The following ZNF519 variants were observed in gnomAD, a reference collection of about 807,000 sequenced individuals.
ZNF519 encodes similar to Zinc finger protein 85 (Zinc finger protein HPF4) (HTF1).
In ZNF519, 7 loss-of-function variants were observed where a neutral mutation model predicts 7.4. The observed-to-expected ratio is 0.94, with a 90% CI of 0.54 to 1.77. The LOEUF is 1.77. ZNF519 is among the 40% of genes most tolerant of loss of function. ZNF519 has a pLI of 0.00. For missense variants in ZNF519, 586 were observed against 623.1 expected, an observed-to-expected ratio of 0.94 and a Z score of 0.63; for synonymous variants, 179 against 203.3, an observed-to-expected ratio of 0.88 and a Z score of 1.02.
rs1460920749 is a variant in ZNF519, at chr18:14,132,428, G to C, written c.-151C>G. The C allele has an allele frequency of 7.5e-6, 7 of 935,710 alleles. No individual in the cohort carries two copies. The highest frequency in any genetic ancestry group is 1.2e-5 in the Non-Finnish European group (7 of 605,900). The allele number at this position is 935,710 out of a possible 1,614,324, so 58.0% of individuals were successfully genotyped here. ...GCCCTAACCCCGCGCTCTGGCTGAAGTGAGACAAAGGCCGCGCCAGATTCC... is the reference window on the plus strand; with the variant it reads ...GCCCTAACCCCGCGCTCTGGCTGAACTGAGACAAAGGCCGCGCCAGATTCC... On this transcript the variant is annotated 5_prime_UTR_variant, in exon 1 of 3. Coordinates refer to ENST00000590202, the MANE Select transcript of ZNF519 (RefSeq NM_145287.4).
chr18:14,098,311 C>G (rs543677969), downstream of ZNF519, among the ~76,000 whole-genome samples: 45 of 151,966 alleles, frequency 3.0e-4, no homozygotes, highest in Middle Eastern at 6.8e-3. Context: ...AGGCACCCAC[C>G]ACAACGCCTG....
At chr18:14,076,303 A>G (rs1305729189) in exon 5 of ZNF519, 1 of 152,198 alleles carries the variant, frequency 6.6e-6, no homozygotes, top group Non-Finnish European at 1.5e-5. Context: ...TTTATAGGCA[A>G]ATATCACTTA....
intron 3 of ZNF519, chr18:14,078,355 A>T (rs2046056840): frequency 6.6e-6 from 1 of 152,194 alleles, no homozygotes. Flanking sequence ...ATTAACATGT[A>T]CATGTACATT....
chr18:14,123,344 C>T (rs2046279355), intron 2 of ZNF519: 1 of 153,114 alleles, frequency 6.5e-6, no homozygotes, highest in Non-Finnish European at 1.5e-5. Flanking sequence ...AAACTTGTTT[C>T]CTGACAGAAT....
chr18:14,103,615 G>A lies in ZNF519; in HGVS notation c.*1302C>T, dbSNP rs567230161. 3.3e-5 allele frequency: 5 copies of A among 151,976 alleles called. No individual in the cohort carries two copies. Among genetic ancestry groups the A allele is most frequent in the Non-Finnish European group, 7.4e-5 (5 of 67,944 alleles). 9.4% of individuals were successfully genotyped at this position (151,976 alleles called of 1,614,324 possible). On this transcript the variant is annotated 3_prime_UTR_variant, in exon 3 of 3. Coordinates refer to ENST00000590202, the MANE Select transcript of ZNF519 (RefSeq NM_145287.4). The stretch of plus-strand genomic sequence containing the variant: ...AATAACCTAATGTTTGGTAAAAATA[G>A]CTAAGGGCTAATTAACTACTCAACA...
At position 14,106,056 on chromosome 18, in the gene ZNF519, A is replaced by C. The variant is rs756694750; in HGVS notation, c.484T>G (p.Phe162Val). The C allele has an allele frequency of 2.5e-6, 4 of 1,593,882 alleles. No individual in the cohort carries two copies. Among genetic ancestry groups the C allele is most frequent in the African/African-American group, 2.7e-5 (2 of 73,676 alleles). ...TTACTAATATTTGAGTCATGGTTAA[A>C]ATTTATCTGATTTTTATTACAAAAG... is the stretch of plus-strand genomic sequence containing the variant. ...SVFCNKNQIN[F>V]NHDSNISKHH... Residue 162 changes from phenylalanine to valine, a missense_variant, in exon 3 of 3, where the codon TTT (phenylalanine) becomes GTT (valine). Coordinates refer to ENST00000590202, the MANE Select transcript of ZNF519 (RefSeq NM_145287.4).
intron 2 of ZNF519, among the ~76,000 whole-genome samples, chr18:14,121,079 A>G (rs1368560579): frequency 6.6e-6 from 1 of 152,124 alleles, no homozygotes; most frequent in African/African-American, 2.4e-5. Flanking sequence ...AATAAGGCAA[A>G]CACAGAAAGA....
Position 14,102,351 on chromosome 18 carries a change from T to C in ZNF519, c.*2566A>G, listed in dbSNP as rs1172693485. 6.6e-6 allele frequency: 1 copy of C among 152,082 alleles called. No homozygotes were observed. Among genetic ancestry groups the C allele is most frequent in the Non-Finnish European group, 1.5e-5 (1 of 68,034 alleles). The allele number at this position is 152,082 out of a possible 1,614,324, so 9.4% of individuals were successfully genotyped here. On this transcript the variant is annotated 3_prime_UTR_variant, in exon 3 of 3. Coordinates refer to ENST00000590202, the MANE Select transcript of ZNF519 (RefSeq NM_145287.4). ...CCCAGCTAATTTTTTGTATTTTTGGTAGAGAGAGGGTTTTACTAAGTTGGC... is the reference window on the plus strand; with the variant it reads ...CCCAGCTAATTTTTTGTATTTTTGGCAGAGAGAGGGTTTTACTAAGTTGGC...
chr18:14,119,317 G>A (rs1356351894), intron 2 of ZNF519, among the ~76,000 whole-genome samples: 1 of 152,136 alleles, frequency 6.6e-6, no homozygotes, highest in Non-Finnish European at 1.5e-5. Flanking sequence ...TCCTTCAAAT[G>A]TACAGAAACA....
rs999729939 is a variant in ZNF519, at chr18:14,104,727, G to A, written c.*190C>T. The A allele has an allele frequency of 3.7e-5, 18 of 485,422 alleles. No homozygotes were observed. The highest frequency in any genetic ancestry group is 7.9e-5 in the African/African-American group (4 of 50,914). 30.1% of individuals were successfully genotyped at this position (485,422 alleles called of 1,614,324 possible). ...GTTATAATAAACACACTGATTCAGA[G>A]TAATTTACGGAAGTGCTAGCACCTT... On this transcript the variant is annotated 3_prime_UTR_variant, in exon 3 of 3. Coordinates refer to ENST00000590202, the MANE Select transcript of ZNF519 (RefSeq NM_145287.4).
At chr18:14,082,822 G>A (rs1232536303) in intron 3 of ZNF519, 1 of 151,754 alleles carries the variant, frequency 6.6e-6, no homozygotes, top group South Asian at 2.1e-4. Context: ...CAAGTAGCTG[G>A]GACTATAGGC....
At chr18:14,080,059 G>A (rs2046064247) in intron 3 of ZNF519, 1 of 151,782 alleles carries the variant, frequency 6.6e-6, no homozygotes, top group Non-Finnish European at 1.5e-5. Flanking sequence ...AATAATAAAT[G>A]AGCCAAAGAC....
chr18:14,081,188 C>G (rs1366935229), intron 3 of ZNF519, among the ~76,000 whole-genome samples: 1 of 152,076 alleles, frequency 6.6e-6, no homozygotes, highest in Non-Finnish European at 1.5e-5. Context: ...AATATAGACT[C>G]ATCAATTGTA....
rs367774707 is a variant in ZNF519, at chr18:14,106,117, A to C, written c.423T>G (p.Pro141=). 48 of 1,609,064 alleles carry C rather than the reference A, an allele frequency of 3.0e-5. No homozygotes were observed. The African/African-American group carries it at 6.0e-4, about 20-fold the overall frequency. Residue 141 remains proline, a synonymous_variant, in exon 3 of 3, where the codon CCT becomes CCG. Transcript: ENST00000590202. ...LSAAPTEPCI[P]MNKYQHKFLK... Reference sequence around the variant, plus strand: ...AAAATTTATGTTGATATTTATTCATAGGAATACATGGTTCTGTAGGAGCAG... The same window carrying C: ...AAAATTTATGTTGATATTTATTCATCGGAATACATGGTTCTGTAGGAGCAG...
chr18:14,095,238 A>G (rs192605766), downstream of ZNF519, among the ~76,000 whole-genome samples: 229 of 151,744 alleles, frequency 1.5e-3, 2 homozygotes, highest in African/African-American at 5.0e-3. Context: ...AGACAGGGAA[A>G]CTCCAGAGGT....
chr18:14,093,702 C>T (rs946692826), intron 2 of ZNF519, among the ~76,000 whole-genome samples: 2 of 152,140 alleles, frequency 1.3e-5, no homozygotes, highest in Non-Finnish European at 2.9e-5. Flanking sequence ...AAGTGGCATA[C>T]AGAAAATTAA....
intron 2 of ZNF519, among the ~76,000 whole-genome samples, chr18:14,089,266 AACTAG>A (rs2046104301): frequency 6.6e-6 from 1 of 152,232 alleles, no homozygotes. Flanking sequence ...AGATAAATGA[AACTAG>A]ACTAACTTGT....
intron 2 of ZNF519, among the ~76,000 whole-genome samples, chr18:14,109,767 G>T (rs560572825): frequency 6.6e-6 from 1 of 152,028 alleles, no homozygotes; most frequent in Admixed American, 6.6e-5. Flanking sequence ...ACAACTTCAT[G>T]ACAGATTTAC....
chr18:14,093,806 T>G (rs1474145374), intron 2 of ZNF519, among the ~76,000 whole-genome samples: 1 of 152,216 alleles, frequency 6.6e-6, no homozygotes, highest in African/African-American at 2.4e-5. Context: ...CTGGCCAAAA[T>G]GTGGCTGCAG....
Sources: gnomAD v4.1 joint callset for allele counts (sites outside exome capture counted in the v4.1 genomes callset) on GRCh38, gnomAD v4.1.1 for gene constraint, MANE v1.5 for transcripts, NCBI Gene and HGNC (gene_info 2026-07-23, HGNC 2026-07-21) for gene names.